The following TICAM1 variants were observed in gnomAD, a reference collection of about 807,000 sequenced individuals.
TICAM1 encodes the protein TIR domain-containing adapter molecule 1.
For synonymous variants in TICAM1, 439 were observed against 415.4 expected, an observed-to-expected ratio of 1.06 and a Z score of -0.69; for missense variants, 895 against 938.2, an observed-to-expected ratio of 0.95 and a Z score of 0.60.
In TICAM1 at chr19:4,818,014, C is replaced by G; in HGVS notation, c.364G>C (p.Val122Leu). The change falls in exon 2 of 2, where the codon GTC (valine) becomes CTC (leucine). Residue 122 changes from valine to leucine, a missense_variant. Physicochemically the swap from Val to Leu is conservative, Grantham distance 32. Coordinates refer to ENST00000248244, the MANE Select transcript of TICAM1 (RefSeq NM_182919.4). This position sits in a 1 kb window ranked among gnomAD's most constrained non-coding sequence, Gnocchi z 4.0. ...TCGTCCCTGGAGCTGAGGGTGCGGA[C>G]GGCTTCCTGGTAGGCCACGTCCCGC... Reference protein sequence around the residue: ...SLRDVAYQEAVRTLSSRDDHR... With the variant: ...SLRDVAYQEALRTLSSRDDHR... The G allele has an allele frequency of 6.2e-7, 1 of 1,611,584 alleles. No homozygotes were observed. Among genetic ancestry groups the G allele is most frequent in the Non-Finnish European group, 8.5e-7 (1 of 1,179,890 alleles).
rs1385573307 is a variant in TICAM1, at chr19:4,818,307, A to G, written c.71T>C (p.Leu24Ser). 13 of 1,612,652 alleles carry G rather than the reference A, an allele frequency of 8.1e-6. No individual in the cohort carries two copies. The African/African-American group carries it at 1.6e-4, about 20-fold the overall frequency. ...GGTCTTCAGTTTGTGCTTCAGATAC[A>G]AGAGCTTGTCCTGGCCTGCTGCACC... ...ILGAAGQDKL[L>S]YLKHKLKTPR... Residue 24 changes from leucine to serine, a missense_variant, in exon 2 of 2, where the codon TTG becomes TCG. Leu to Ser is a moderately radical substitution (Grantham distance 145). Coordinates refer to ENST00000248244, the MANE Select transcript of TICAM1 (RefSeq NM_182919.4). This position sits in a 1 kb window ranked among gnomAD's most constrained non-coding sequence, Gnocchi z 4.0.
At position 4,816,782 on chromosome 19, in the gene TICAM1, C is replaced by T. The variant is rs747684301; in HGVS notation, c.1596G>A (p.Arg532=). ...RKVANTFKPH[R]LQARKAMWRK... ...TCCACATGGCCTTTCGGGCCTGAAG[C>T]CTGTGGGGCTTGAAGGTGTTGGCCA... The change falls in exon 2 of 2, where the codon AGG becomes AGA. Residue 532 remains arginine (R), a synonymous_variant. Coordinates refer to ENST00000248244, the MANE Select transcript of TICAM1 (RefSeq NM_182919.4). The surrounding 1 kb of genome is among the most constrained non-coding windows in gnomAD (Gnocchi z 4.3). 1.2e-6 allele frequency: 2 copies of T among 1,613,494 alleles called. No individual in the cohort carries two copies. The highest frequency in any genetic ancestry group is 4.5e-5 in the East Asian group (2 of 44,862).
intron 1 of TICAM1, among the ~76,000 whole-genome samples, chr19:4,823,936 T>C (rs1271331585): frequency 6.6e-6 from 1 of 152,158 alleles, no homozygotes; most frequent in Non-Finnish European, 1.5e-5. Flanking sequence ...TGTTGTCCAG[T>C]ATGGCAGCCC....
At position 4,822,894 on chromosome 19, in the gene TICAM1, GTC is replaced by G. The variant is rs373427093; in HGVS notation, c.-139-4380_-139-4379del. The stretch of plus-strand genomic sequence containing the variant: ...GACTGGCTATTATGGGTTCAATCGT[GTC>G]TCTCCCCAAAATCATATGTTGAAGT... On this transcript the variant is annotated intron_variant, in intron 1 of 1. Coordinates refer to ENST00000248244, the MANE Select transcript of TICAM1 (RefSeq NM_182919.4). 1.4e-3 allele frequency among the ~76,000 whole-genome samples: 219 copies of G among 152,280 alleles called. 1 individual carries two copies. Among genetic ancestry groups the G allele is most frequent in the African/African-American group, 5.1e-3 (213 of 41,570 alleles).
At position 4,816,099 on chromosome 19, in the gene TICAM1, C is replaced by T; in HGVS notation, c.*140G>A. The T allele has an allele frequency of 7.8e-7, 1 of 1,278,500 alleles. No individual in the cohort carries two copies. Among genetic ancestry groups the T allele is most frequent in the Non-Finnish European group, 9.9e-7 (1 of 1,008,098 alleles). The allele number at this position is 1,278,500 out of a possible 1,614,324, so 79.2% of individuals were successfully genotyped here. A position where few individuals can be genotyped will look rare whatever the true frequency, so the allele number is the denominator to read the frequency against. On this transcript the variant is annotated 3_prime_UTR_variant, in exon 2 of 2. Transcript: ENST00000248244. This position sits in a 1 kb window ranked among gnomAD's most constrained non-coding sequence, Gnocchi z 4.3. ...CCGTTTTGTCCTAAATGAAGGGCTC[C>T]CGGACAATGTCCTGAAAGTGGCAGA...
At position 4,816,654 on chromosome 19, in the gene TICAM1, T is replaced by C. The variant is rs2093585921; in HGVS notation, c.1724A>G (p.Gln575Arg). The C allele has an allele frequency of 1.2e-6, 2 of 1,614,042 alleles. No individual in the cohort carries two copies. Among genetic ancestry groups the C allele is most frequent in the African/African-American group, 2.7e-5 (2 of 74,946 alleles). Residue 575 changes from glutamine (Q) to arginine (R), a missense_variant, in exon 2 of 2, where the codon CAG (glutamine) becomes CGG (arginine). Physicochemically the swap from Gln to Arg is conservative, Grantham distance 43. Coordinates refer to ENST00000248244, the MANE Select transcript of TICAM1 (RefSeq NM_182919.4). This position sits in a 1 kb window ranked among gnomAD's most constrained non-coding sequence, Gnocchi z 4.3. ...ALNAAYSAYLQSYLSYQAQME... is the reference protein window; with the variant it reads ...ALNAAYSAYLRSYLSYQAQME... The stretch of plus-strand genomic sequence containing the variant: ...CTGTGCCTGGTAGGACAAGTAGCTC[T>C]GGAGGTAGGCTGAGTAGGCTGCGTT...
chr19:4,817,657 C>G lies in TICAM1; in HGVS notation c.721G>C (p.Glu241Gln), dbSNP rs370487475. The change falls in exon 2 of 2, where the codon GAG becomes CAG. Residue 241 changes from glutamate (E) to glutamine (Q), a missense_variant. Coordinates refer to ENST00000248244, the MANE Select transcript of TICAM1 (RefSeq NM_182919.4). This position sits in a 1 kb window ranked among gnomAD's most constrained non-coding sequence, Gnocchi z 4.7. ...CDDPQASLVP[E>Q]PVPGGCQEPE... ...TCCTGGCAGCCACCGGGGACAGGCT[C>G]GGGCACCAAGCTGGCCTGGGGGTCG... 3 of 1,582,776 alleles carry G rather than the reference C, an allele frequency of 1.9e-6. No individual in the cohort carries two copies. Among genetic ancestry groups the G allele is most frequent in the African/African-American group, 1.3e-5 (1 of 74,492 alleles).
chr19:4,824,665 G>T (rs2146177837), intron 1 of TICAM1, among the ~76,000 whole-genome samples: 1 of 148,150 alleles, frequency 6.7e-6, no homozygotes, highest in Non-Finnish European at 1.5e-5. Flanking sequence ...AGGCACAGTG[G>T]CTCACACCTG....
At chr19:4,821,030 T>A (rs1347875605) in intron 1 of TICAM1, among the ~76,000 whole-genome samples, 1 of 140,498 alleles carries the variant, frequency 7.1e-6, no homozygotes, top group African/African-American at 2.6e-5. Flanking sequence ...CCGTCTCTAG[T>A]AAAAAAAAAA....
chr19:4,826,724 G>A (rs1478499828), intron 1 of TICAM1, among the ~76,000 whole-genome samples: 1 of 152,162 alleles, frequency 6.6e-6, no homozygotes, highest in East Asian at 1.9e-4. Context: ...AGGAAACAGA[G>A]GTACAGAGAA....
chr19:4,821,210 G>A (rs1330661021), intron 1 of TICAM1, among the ~76,000 whole-genome samples: 1 of 150,652 alleles, frequency 6.6e-6, no homozygotes, highest in African/African-American at 2.4e-5. Context: ...AAAAAAAAAA[G>A]TAATTTTTTC....
rs778950505 is a variant in TICAM1, at chr19:4,818,392, G to A, written c.-15C>T. 4.5e-6 allele frequency: 7 copies of A among 1,552,536 alleles called. No homozygotes were observed. The Admixed American group carries it at 1.0e-4, about 22-fold the overall frequency. On this transcript the variant is annotated 5_prime_UTR_variant, in exon 2 of 2. Transcript: ENST00000248244. This position sits in a 1 kb window ranked among gnomAD's most constrained non-coding sequence, Gnocchi z 4.0. ...GTGCAGGCCATGGGCACAGGTGGGTGCAGCCTCCGGCAGCAGAAGCTGGAG... is the reference window on the plus strand; with the variant it reads ...GTGCAGGCCATGGGCACAGGTGGGTACAGCCTCCGGCAGCAGAAGCTGGAG...
intron 1 of TICAM1, among the ~76,000 whole-genome samples, chr19:4,824,823 C>T (rs1467693235): frequency 1.3e-5 from 2 of 151,976 alleles, no homozygotes; most frequent in Non-Finnish European, 2.9e-5. Context: ...GTCCCAGCTA[C>T]TAGGGAGGCT....
rs777799844 is a variant in TICAM1 at position 4,816,655 on chromosome 19, G to C, written c.1723C>G (p.Gln575Glu). 1 of 1,614,154 alleles carries C rather than the reference G, an allele frequency of 6.2e-7. No homozygotes were observed. Among genetic ancestry groups the C allele is most frequent in the Non-Finnish European group, 8.5e-7 (1 of 1,180,028 alleles). ...TGTGCCTGGTAGGACAAGTAGCTCT[G>C]GAGGTAGGCTGAGTAGGCTGCGTTC... ...ALNAAYSAYLQSYLSYQAQME... is the reference protein window; with the variant it reads ...ALNAAYSAYLESYLSYQAQME... Residue 575 changes from glutamine to glutamate, a missense_variant, in exon 2 of 2, where the codon CAG becomes GAG. Gln to Glu is a conservative substitution (Grantham distance 29). Transcript: ENST00000248244. The surrounding 1 kb of genome is among the most constrained non-coding windows in gnomAD (Gnocchi z 4.3).
intron 1 of TICAM1, among the ~76,000 whole-genome samples, chr19:4,820,832 C>T (rs1267880269): frequency 6.6e-6 from 1 of 151,672 alleles, no homozygotes; most frequent in Non-Finnish European, 1.5e-5. Flanking sequence ...TGCAGTGAGC[C>T]GAGATCGTGC....
chr19:4,828,943 C>T (rs1351472366), intron 1 of TICAM1, among the ~76,000 whole-genome samples: 4 of 152,098 alleles, frequency 2.6e-5, no homozygotes, highest in Non-Finnish European at 4.4e-5. Flanking sequence ...TCTCGTGATC[C>T]GCCTGCCTTG....
Position 4,821,115 on chromosome 19 carries a change from G to C in TICAM1, c.-139-2599C>G, listed in dbSNP as rs571183174. The stretch of plus-strand genomic sequence containing the variant: ...GGAGGCTGAGGCAGGAGAATCACTT[G>C]AACCCAAGAGGCGGAGGTTGCAGTG... On this transcript the variant is annotated intron_variant, in intron 1 of 1. Coordinates refer to ENST00000248244, the MANE Select transcript of TICAM1 (RefSeq NM_182919.4). Among the ~76,000 whole-genome samples the C allele has an allele frequency of 7.2e-4, 108 of 150,700 alleles. 1 individual carries two copies. The highest frequency in any genetic ancestry group is 1.3e-3 in the Non-Finnish European group (88 of 67,844).
At position 4,818,421 on chromosome 19, in the gene TICAM1, G is replaced by A. The variant is rs776872423; in HGVS notation, c.-44C>T. On this transcript the variant is annotated 5_prime_UTR_variant, in exon 2 of 2. Coordinates refer to ENST00000248244, the MANE Select transcript of TICAM1 (RefSeq NM_182919.4). This position sits in a 1 kb window ranked among gnomAD's most constrained non-coding sequence, Gnocchi z 4.0. ...CCTCCGGCAGCAGAAGCTGGAGGTGGTGAAGGCATGTTCCACACTGCCCCC... is the reference window on the plus strand; with the variant it reads ...CCTCCGGCAGCAGAAGCTGGAGGTGATGAAGGCATGTTCCACACTGCCCCC... 10 of 1,534,796 alleles carry A rather than the reference G, an allele frequency of 6.5e-6. No homozygotes were observed. The highest frequency in any genetic ancestry group is 8.8e-6 in the Non-Finnish European group (10 of 1,142,390).
chr19:4,827,429 A>C (rs542550461), intron 1 of TICAM1, among the ~76,000 whole-genome samples: 9 of 146,310 alleles, frequency 6.2e-5, no homozygotes, highest in African/African-American at 2.3e-4. Context: ...CCCAGCTTCT[A>C]TCTCTGTTGT....
Sources: gnomAD v4.1 joint callset for allele counts (sites outside exome capture counted in the v4.1 genomes callset) on GRCh38, gnomAD v4.1.1 for gene constraint, Gnocchi (gnomAD v3.1) non-coding constraint, MANE v1.5 for transcripts, NCBI Gene and HGNC (gene_info 2026-07-23, HGNC 2026-07-21) for gene names.